Variants in ZSWIM4 observed in about 807,000 individuals in gnomAD.
ZSWIM4 encodes zinc finger SWIM domain-containing protein 4.
Under a neutral mutation model 102.5 loss-of-function variants are expected in ZSWIM4, and 62 were observed. That is an observed-to-expected ratio of 0.60 (90% CI 0.49 to 0.75). ZSWIM4 has a LOEUF of 0.75. Among genes scored for constraint, ZSWIM4 ranks in the 30% least tolerant of loss-of-function variants. The probability of loss-of-function intolerance (pLI) is 0.00; values close to 1 mark genes in which losing one functional copy is unlikely to be tolerated. For missense variants in ZSWIM4, 1,280 were observed against 1,529.6 expected, an observed-to-expected ratio of 0.84 and a Z score of 2.72; for synonymous variants, 652 against 674.5, an observed-to-expected ratio of 0.97 and a Z score of 0.52.
chr19:13,808,940 G>A lies in ZSWIM4; in HGVS notation c.817G>A (p.Gly273Ser), dbSNP rs1282551254. 4 of 1,609,616 alleles carry A rather than the reference G, an allele frequency of 2.5e-6. No individual in the cohort carries two copies. The highest frequency in any genetic ancestry group is 3.4e-6 in the Non-Finnish European group (4 of 1,178,290). ...EQVKQLLSNG[G>S]YYGASQQLRS... ...GGTGAAGCAGCTACTGTCCAATGGC[G>A]GCTACTACGGGGCCAGCCAGCAGCT... is the stretch of plus-strand genomic sequence containing the variant. Residue 273 changes from glycine to serine, a missense_variant, in exon 4 of 14, where the codon GGC becomes AGC. Transcript: ENST00000590508.
rs559333522 is a variant in ZSWIM4, at chr19:13,830,656, G to A, written c.2927G>A (p.Arg976Gln). The change falls in exon 14 of 14, where the codon CGG (arginine) becomes CAG (glutamine). Residue 976 changes from arginine (R) to glutamine (Q), a missense_variant. Physicochemically the swap from Arg to Gln is conservative, Grantham distance 43 (BLOSUM62 1). Coordinates refer to ENST00000590508, the MANE Select transcript of ZSWIM4 (RefSeq NM_001367834.3). ...TGCTCTCTCAGCCACTCCCTGGGCC[G>A]GCACGAGCTCTCTGCCATCGTCCCC... is the stretch of plus-strand genomic sequence containing the variant. ...WACSLSHSLG[R>Q]HELSAIVPLI... The A allele has an allele frequency of 3.1e-6, 5 of 1,602,510 alleles. No individual in the cohort carries two copies. The highest frequency in any genetic ancestry group is 1.7e-5 in the Admixed American group (1 of 60,000).
intron 5 of ZSWIM4, 26 bp from the exon 6 acceptor site, chr19:13,812,971 A>G: frequency 6.3e-7 from 1 of 1,576,056 alleles, no homozygotes; most frequent in African/African-American, 1.3e-5. Context: ...TGGCAGGAAT[A>G]TTGAGCCTGC....
chr19:13,817,833 A>G lies in ZSWIM4; in HGVS notation c.1781A>G (p.Gln594Arg). ...GAGGTGGCACTGCTGGGGCTGGGGC[A>G]GCAGCGGGCCCTGCCGGAGGGGCTG... ...ALEVALLGLG[Q>R]QRALPEGLYA... is the part of the protein sequence containing the mutation. Residue 594 changes from glutamine (Q) to arginine (R), a missense_variant, in exon 9 of 14, where the codon CAG (glutamine) becomes CGG (arginine). Transcript: ENST00000590508. 6.4e-7 allele frequency: 1 copy of G among 1,570,588 alleles called. No individual in the cohort carries two copies. Among genetic ancestry groups the G allele is most frequent in the Non-Finnish European group, 8.6e-7 (1 of 1,158,338 alleles).
intron 1 of ZSWIM4, among the ~76,000 whole-genome samples, chr19:13,798,825 G>A (rs1358309366): frequency 6.6e-6 from 1 of 152,098 alleles, no homozygotes; most frequent in Non-Finnish European, 1.5e-5. Flanking sequence ...GTCTCGCTCC[G>A]TGGCCCAGAC....
chr19:13,813,226 T>C, intron 6 of ZSWIM4, 62 bp downstream of exon 6: 1 of 1,357,464 alleles, frequency 7.4e-7, no homozygotes, highest in Admixed American at 2.0e-5. Flanking sequence ...GTGGCCCCAC[T>C]TACCATCATG....
Position 13,830,851 on chromosome 19 carries a change from T to C in ZSWIM4, c.3122T>C (p.Ile1041Thr). 6.2e-7 allele frequency: 1 copy of C among 1,613,064 alleles called. No homozygotes were observed. The highest frequency in any genetic ancestry group is 1.1e-5 in the South Asian group (1 of 90,982). Residue 1041 changes from isoleucine to threonine, a missense_variant, in exon 14 of 14, where the codon ATC becomes ACC. Coordinates refer to ENST00000590508, the MANE Select transcript of ZSWIM4 (RefSeq NM_001367834.3). The part of the protein sequence containing the change: ...QLLDAAVTAY[I>T]TTSHSRLTHI... ...CTGGACGCGGCAGTCACCGCCTACA[T>C]CACCACCAGCCACTCGCGCCTCACG...
chr19:13,804,776 T>C lies in ZSWIM4; in HGVS notation c.356-16T>C. 6.4e-7 allele frequency: 1 copy of C among 1,557,506 alleles called. No individual in the cohort carries two copies. The highest frequency in any genetic ancestry group is 8.7e-7 in the Non-Finnish European group (1 of 1,149,364). On this transcript the variant is annotated splice_polypyrimidine_tract_variant and intron_variant, in intron 2 of 13. Transcript: ENST00000590508. ...TCTGGGATGACACGGATGCGACAGTTTGGCTTTGATCCTAGGATTCCACCT... is the reference window on the plus strand; with the variant it reads ...TCTGGGATGACACGGATGCGACAGTCTGGCTTTGATCCTAGGATTCCACCT...
intron 5 of ZSWIM4, 78 bp from the exon 6 acceptor site, chr19:13,812,919 G>A: frequency 6.9e-6 from 10 of 1,457,972 alleles, no homozygotes; most frequent in East Asian, 2.3e-5. Context: ...TCATCAGGTG[G>A]CACACAGTGG....
Position 13,825,931 on chromosome 19 carries a change from G to T in ZSWIM4, c.2379+218G>T, listed in dbSNP as rs1451368563. ...CCTCTGGGGGCGTGGCCTGAGTGTGGGCCACTTCCTTGGGGGCGTGGCATG... is the reference window on the plus strand; with the variant it reads ...CCTCTGGGGGCGTGGCCTGAGTGTGTGCCACTTCCTTGGGGGCGTGGCATG... On this transcript the variant is annotated intron_variant, in intron 12 of 13. Transcript: ENST00000590508. This position sits in a 1 kb window ranked among gnomAD's most constrained non-coding sequence, Gnocchi z 4.6. 2.6e-5 allele frequency among the ~76,000 whole-genome samples: 4 copies of T among 152,084 alleles called. No homozygotes were observed. The highest frequency in any genetic ancestry group is 5.9e-5 in the Non-Finnish European group (4 of 68,014).
intron 2 of ZSWIM4, among the ~76,000 whole-genome samples, chr19:13,804,220 C>T (rs1272412234): frequency 6.6e-6 from 1 of 152,000 alleles, no homozygotes; most frequent in South Asian, 2.1e-4. Context: ...CCTGTAATCC[C>T]TGCACTTTGG....
chr19:13,816,519 C>G (rs1975292394), intron 7 of ZSWIM4, among the ~76,000 whole-genome samples: 1 of 152,106 alleles, frequency 6.6e-6, no homozygotes, highest in Non-Finnish European at 1.5e-5. Context: ...CCCAGCTACT[C>G]AGGACACTGA....
rs759406075 is a variant in ZSWIM4 at position 13,825,323 on chromosome 19, G to A, written c.2216-227G>A. Reference sequence around the variant, plus strand: ...ATTACAGGTGTGAGCCACTGCGCCCGGCCCCTAGGTGGCTTTCTGTAACAG... The same window carrying A: ...ATTACAGGTGTGAGCCACTGCGCCCAGCCCCTAGGTGGCTTTCTGTAACAG... On this transcript the variant is annotated intron_variant, in intron 11 of 13. Transcript: ENST00000590508. This position sits in a 1 kb window ranked among gnomAD's most constrained non-coding sequence, Gnocchi z 4.6. Among the ~76,000 whole-genome samples, 13 of 152,102 alleles carry A rather than the reference G, an allele frequency of 8.5e-5. No individual in the cohort carries two copies. Among genetic ancestry groups the A allele is most frequent in the African/African-American group, 1.2e-4 (5 of 41,412 alleles).
chr19:13,801,767 G>C (rs1974776648), intron 2 of ZSWIM4, among the ~76,000 whole-genome samples: 1 of 150,806 alleles, frequency 6.6e-6, no homozygotes, highest in Non-Finnish European at 1.5e-5. Flanking sequence ...CACCTCCCAG[G>C]TTCAAGGAAT....
At chr19:13,800,757 AGC>A (rs1329921412) in intron 2 of ZSWIM4, among the ~76,000 whole-genome samples, 50 of 152,282 alleles carry the variant, frequency 3.3e-4, no homozygotes, top group Middle Eastern at 3.4e-3. Context: ...GAACCCAGGC[AGC>A]AGGGTTTAGA....
intron 11 of ZSWIM4, among the ~76,000 whole-genome samples, chr19:13,824,831 C>A (rs950309768): frequency 4.6e-5 from 7 of 151,734 alleles, no homozygotes; most frequent in Admixed American, 2.0e-4. Context: ...CAAGTATGGG[C>A]CCACCACCAC....
chr19:13,800,065 ATTTTTTT>A, intron 2 of ZSWIM4, 144 bp downstream of exon 2: 1 of 383,218 alleles, frequency 2.6e-6, no homozygotes, highest in Non-Finnish European at 4.2e-6. Context: ...ATTGTACAAG[ATTTTTTT>A]TTTTTTTTTT....
chr19:13,829,731 A>T (rs557568122), intron 13 of ZSWIM4, among the ~76,000 whole-genome samples: 110 of 152,146 alleles, frequency 7.2e-4, no homozygotes, highest in Admixed American at 1.5e-3. Context: ...AGGCTGAGGC[A>T]GGAGAATGGC....
intron 5 of ZSWIM4, among the ~76,000 whole-genome samples, chr19:13,810,767 G>A (rs1481352145): frequency 5.3e-5 from 8 of 150,856 alleles, no homozygotes; most frequent in Non-Finnish European, 8.8e-5. Flanking sequence ...CCACCACCAC[G>A]CCCGGCTAAT....
At chr19:13,811,682 A>G (rs1975097352) in intron 5 of ZSWIM4, among the ~76,000 whole-genome samples, 1 of 152,032 alleles carries the variant, frequency 6.6e-6, no homozygotes, top group Non-Finnish European at 1.5e-5. Flanking sequence ...TTTTTTAAAA[A>G]CCGGCTTTAT....
Sources: gnomAD v4.1 joint callset for allele counts (sites outside exome capture counted in the v4.1 genomes callset) on GRCh38, gnomAD v4.1.1 for gene constraint, Gnocchi (gnomAD v3.1) non-coding constraint, MANE v1.5 for transcripts, NCBI Gene and HGNC (gene_info 2026-07-23, HGNC 2026-07-21) for gene names.